Variants in TTLL11 observed in about 807,000 individuals in gnomAD.
The protein encoded by TTLL11 is tubulin polyglutamylase TTLL11.
In TTLL11, 42 loss-of-function variants were observed where a neutral mutation model predicts 51.7. That is an observed-to-expected ratio of 0.81 (90% CI 0.64 to 1.05). The LOEUF is 1.05. TTLL11 is among the 50% of genes least tolerant of loss of function. The probability of loss-of-function intolerance (pLI) is 0.00; values close to 1 mark genes in which losing one functional copy is unlikely to be tolerated. For synonymous variants in TTLL11, 381 were observed against 383.5 expected (o/e 0.99, Z 0.08); for missense variants, 799 against 940.4 (o/e 0.85, Z 1.97).
chr9:121,969,062 G>C (rs1842487882), intron 6 of TTLL11, among the ~76,000 whole-genome samples: 1 of 151,964 alleles, frequency 6.6e-6, no homozygotes, highest in Non-Finnish European at 1.5e-5. Flanking sequence ...TAGAGATGGG[G>C]TTTCACCATG....
chr9:121,978,001 A>C (rs532977419), intron 4 of TTLL11, among the ~76,000 whole-genome samples: 10 of 152,166 alleles, frequency 6.6e-5, no homozygotes, highest in Non-Finnish European at 1.2e-4. Context: ...AATGCTTTCT[A>C]TGTCCCAAGA....
chr9:121,891,794 T>C (rs1468883843), intron 6 of TTLL11, among the ~76,000 whole-genome samples: 1 of 39,904 alleles, frequency 2.5e-5, no homozygotes, highest in Admixed American at 3.5e-4. Context: ...TCACCTTCTC[T>C]TTCCTTTATG....
At chr9:121,867,420 C>T (rs1588081274) in intron 7 of TTLL11, among the ~76,000 whole-genome samples, 1 of 152,288 alleles carries the variant, frequency 6.6e-6, no homozygotes, top group East Asian at 1.9e-4. Context: ...GCTGATGCTT[C>T]CTGCCTAACC....
chr9:122,020,897 A>T (rs10985488), intron 3 of TTLL11, among the ~76,000 whole-genome samples: 6,703 of 152,294 alleles, frequency 0.044, 172 homozygotes, highest in African/African-American at 0.073. Context: ...GAGAAAAAAA[A>T]GTTTGTTATT....
At chr9:122,086,811 G>A (rs1351588942) in intron 1 of TTLL11, among the ~76,000 whole-genome samples, 5 of 152,224 alleles carry the variant, frequency 3.3e-5, no homozygotes, top group Non-Finnish European at 4.4e-5. Flanking sequence ...GAATGGGAGG[G>A]TTAAGAAGTA....
chr9:121,816,591 C>CAT lies in TTLL11; in HGVS notation c.*5995_*5996insAT, dbSNP rs756298709. The CAT allele has an allele frequency of 6.7e-6, 1 of 149,416 alleles. No homozygotes were observed. Among genetic ancestry groups the CAT allele is most frequent in the Non-Finnish European group, 1.5e-5 (1 of 67,540 alleles). The allele number at this position is 149,416 out of a possible 1,614,324, so 9.3% of individuals were successfully genotyped here. Reference sequence around the variant, plus strand: ...GCGTGTGCGTGTGTGCATGTGTGTGCGTGTGTGCATGTGTGCATTGTGTAC... The same window carrying CAT: ...GCGTGTGCGTGTGTGCATGTGTGTGCATGTGTGTGCATGTGTGCATTGTGTAC... On this transcript the variant is annotated 3_prime_UTR_variant, in exon 9 of 9. Transcript: ENST00000321582.
chr9:121,941,381 G>C (rs759094102), intron 6 of TTLL11, among the ~76,000 whole-genome samples: 3 of 152,148 alleles, frequency 2.0e-5, no homozygotes, highest in Non-Finnish European at 4.4e-5. Flanking sequence ...CAGGCTGATG[G>C]CTATGAAATC....
chr9:121,838,285 C>A (rs1214648075), intron 8 of TTLL11, among the ~76,000 whole-genome samples: 2 of 152,156 alleles, frequency 1.3e-5, no homozygotes, highest in Non-Finnish European at 2.9e-5. Flanking sequence ...CCTCCACATC[C>A]CTAGGACCAT....
chr9:122,070,766 G>A (rs954226626), intron 1 of TTLL11, among the ~76,000 whole-genome samples: 1 of 152,180 alleles, frequency 6.6e-6, no homozygotes, highest in Non-Finnish European at 1.5e-5. Context: ...TCATCCGGCT[G>A]TGTGTGCAGC....
chr9:122,062,854 G>A lies in TTLL11; in HGVS notation c.463-23486C>T, dbSNP rs571663371. 8.6e-5 allele frequency among the ~76,000 whole-genome samples: 13 copies of A among 151,458 alleles called. 1 individual carries two copies. Among genetic ancestry groups the A allele is most frequent in the Admixed American group, 2.6e-4 (4 of 15,214 alleles). Reference sequence around the variant, plus strand: ...GAGTGCAGTGGCACAATTACTGTTCGCCGTAGCCTTGACCTCCCAGGCTCA... The same window carrying A: ...GAGTGCAGTGGCACAATTACTGTTCACCGTAGCCTTGACCTCCCAGGCTCA... On this transcript the variant is annotated intron_variant, in intron 1 of 8. Transcript: ENST00000321582.
intron 1 of TTLL11, among the ~76,000 whole-genome samples, chr9:122,063,308 G>A (rs6478555): frequency 0.3 from 46,299 of 151,814 alleles, 7,581 homozygotes; most frequent in African/African-American, 0.39. Flanking sequence ...CTTCAAAATC[G>A]ACCTATTTGA....
At position 121,863,138 on chromosome 9, in the gene TTLL11, C is replaced by T. The variant is rs534889582; in HGVS notation, c.1734-2695G>A. 3.3e-5 allele frequency among the ~76,000 whole-genome samples: 5 copies of T among 152,292 alleles called. No homozygotes were observed. The East Asian group carries it at 9.7e-4, about 29-fold the overall frequency. On this transcript the variant is annotated intron_variant, in intron 7 of 8. Transcript: ENST00000321582. Reference sequence around the variant, plus strand: ...TGCTCCGTATTTCAATCACGAGTCGCGGTGGCAGACTTCAAAGCACATCAG... The same window carrying T: ...TGCTCCGTATTTCAATCACGAGTCGTGGTGGCAGACTTCAAAGCACATCAG...
chr9:121,909,109 C>T (rs1346158656), intron 6 of TTLL11, among the ~76,000 whole-genome samples: 1 of 152,098 alleles, frequency 6.6e-6, no homozygotes, highest in Non-Finnish European at 1.5e-5. Context: ...TTCATTATGC[C>T]ATCCAATCCA....
At chr9:122,031,308 G>A (rs1844532862) in intron 3 of TTLL11, among the ~76,000 whole-genome samples, 1 of 152,190 alleles carries the variant, frequency 6.6e-6, no homozygotes, top group Admixed American at 6.5e-5. Flanking sequence ...TGTCAGACCT[G>A]CTCCCTGGCC....
At chr9:121,966,694 C>A (rs981134263) in intron 6 of TTLL11, among the ~76,000 whole-genome samples, 1 of 152,142 alleles carries the variant, frequency 6.6e-6, no homozygotes, top group Non-Finnish European at 1.5e-5. Flanking sequence ...AAACTGGAGA[C>A]CAACACAGCC....
chr9:121,826,689 C>T (rs1836818596), intron 8 of TTLL11, among the ~76,000 whole-genome samples: 3 of 150,730 alleles, frequency 2.0e-5, no homozygotes, highest in South Asian at 2.1e-4. Context: ...CTGGAGCATC[C>T]GTGCCAAGGG....
At chr9:121,934,544 T>G (rs980075295) in intron 6 of TTLL11, among the ~76,000 whole-genome samples, 2 of 152,234 alleles carry the variant, frequency 1.3e-5, no homozygotes, top group Non-Finnish European at 2.9e-5. Context: ...GTGCAAATGT[T>G]GTTGGCTGTT....
rs570371591 is a variant in TTLL11, at chr9:122,015,426, G to A, written c.693+16297C>T. On this transcript the variant is annotated intron_variant, in intron 3 of 8. Transcript: ENST00000321582. ...GGCTCCTATGGAGTCCTTGCCAGCC[G>A]CTTTGAACCATCTGCCTTCTTCTGA... 5.5e-4 allele frequency among the ~76,000 whole-genome samples: 83 copies of A among 152,230 alleles called. 1 individual carries two copies. Among genetic ancestry groups the A allele is most frequent in the African/African-American group, 1.7e-3 (71 of 41,534 alleles).
At chr9:122,079,108 C>A (rs1845936823) in intron 1 of TTLL11, among the ~76,000 whole-genome samples, 1 of 151,964 alleles carries the variant, frequency 6.6e-6, no homozygotes, top group Admixed American at 6.5e-5. Context: ...GGGTATATAT[C>A]AGGAGAGAAC....
Sources: allele counts gnomAD v4.1 joint callset (sites outside exome capture counted in the v4.1 genomes callset), GRCh38; gene constraint gnomAD v4.1.1; transcripts MANE v1.5; gene names NCBI Gene and HGNC (gene_info 2026-07-23, HGNC 2026-07-21).